DACH1: variants seen among roughly 807,000 people sequenced by gnomAD.
DACH1 encodes dachshund family transcription factor 1.
DACH1 carries 12 observed loss-of-function variants against 54.2 expected under a neutral mutation model. The ratio of observed to expected loss-of-function variants is 0.22; its 90% confidence interval spans 0.14 to 0.36. The LOEUF is 0.36. Among genes scored for constraint, DACH1 ranks in the 10% least tolerant of loss-of-function variants. The probability of loss-of-function intolerance (pLI) is 1.00; values close to 1 mark genes in which losing one functional copy is unlikely to be tolerated. For missense variants in DACH1, 805 were observed against 929.8 expected (o/e 0.87, Z 1.75); for synonymous variants, 386 against 366.2 (o/e 1.05, Z -0.62).
At chr13:71,853,693 T>C (rs779917730) in intron 1 of DACH1, among the ~76,000 whole-genome samples, 2 of 152,160 alleles carry the variant, frequency 1.3e-5, no homozygotes, top group Non-Finnish European at 2.9e-5. Flanking sequence ...AAGAAAGAAG[T>C]CACATTTGTG....
chr13:71,499,936 C>T (rs772778115), intron 6 of DACH1, among the ~76,000 whole-genome samples: 8 of 151,948 alleles, frequency 5.3e-5, no homozygotes, highest in Non-Finnish European at 1.2e-4. Flanking sequence ...ATAGTAGATG[C>T]ATAGTGCACC....
intron 6 of DACH1, among the ~76,000 whole-genome samples, chr13:71,533,461 T>G (rs543590412): frequency 7.2e-5 from 11 of 152,126 alleles, no homozygotes; most frequent in African/African-American, 2.4e-4. Flanking sequence ...TGGCTTAAAT[T>G]AGGCTTAAAT....
intron 1 of DACH1, among the ~76,000 whole-genome samples, chr13:71,845,189 T>C (rs1433289814): frequency 6.6e-6 from 1 of 152,112 alleles, no homozygotes; most frequent in Non-Finnish European, 1.5e-5. Context: ...ATCACATGTA[T>C]CACAACATCA....
intron 1 of DACH1, among the ~76,000 whole-genome samples, chr13:71,853,297 G>A (rs1873789215): frequency 6.6e-6 from 1 of 152,078 alleles, no homozygotes; most frequent in Admixed American, 6.6e-5. Context: ...AAATTTTGAA[G>A]AGATCTTTCT....
At chr13:71,749,872 C>A (rs1884844364) in intron 1 of DACH1, among the ~76,000 whole-genome samples, 1 of 152,074 alleles carries the variant, frequency 6.6e-6, no homozygotes, top group African/African-American at 2.4e-5. Context: ...GAGGTAAGAG[C>A]TAGATAAGCG....
chr13:71,488,893 A>T, intron 7 of DACH1, 104 bp downstream of exon 7: 3 of 1,054,284 alleles, frequency 2.8e-6, no homozygotes, highest in Non-Finnish European at 4.1e-6. Context: ...ACCATGTTTC[A>T]GTCAGTCTAA....
intron 3 of DACH1, among the ~76,000 whole-genome samples, chr13:71,597,805 G>A (rs1874206825): frequency 1.3e-5 from 2 of 152,130 alleles, no homozygotes; most frequent in Non-Finnish European, 2.9e-5. Context: ...TTATTAACAA[G>A]AGGATAATTG....
intron 3 of DACH1, among the ~76,000 whole-genome samples, chr13:71,607,826 C>CA (rs967531241): frequency 2.0e-5 from 3 of 152,014 alleles, no homozygotes; most frequent in Admixed American, 1.3e-4. Context: ...GACTGCCTGT[C>CA]AGCTGTATCA....
chr13:71,597,893 T>C (rs1874215846), intron 3 of DACH1, among the ~76,000 whole-genome samples: 1 of 152,034 alleles, frequency 6.6e-6, no homozygotes, highest in African/African-American at 2.4e-5. Context: ...GAGGTGGGCA[T>C]ATCGCTTGAG....
At chr13:71,510,529 C>T (rs1357857278) in intron 6 of DACH1, among the ~76,000 whole-genome samples, 6 of 152,030 alleles carry the variant, frequency 3.9e-5, no homozygotes, top group Admixed American at 3.3e-4. Context: ...GTTAGTGTGA[C>T]ATTCTAGTTC....
At chr13:71,464,704 CTT>C (rs146261995) in intron 10 of DACH1, 1 of 453,576 alleles carries the variant, frequency 2.2e-6, no homozygotes, top group African/African-American at 2.0e-5. Context: ...TTTAATTTCA[CTT>C]TAACTGTTTT....
chr13:71,472,430 T>C (rs1351132493), intron 10 of DACH1, among the ~76,000 whole-genome samples: 1 of 152,198 alleles, frequency 6.6e-6, no homozygotes, highest in East Asian at 1.9e-4. Context: ...TACTTAGCAC[T>C]CAAGCAGTAA....
intron 1 of DACH1, among the ~76,000 whole-genome samples, chr13:71,796,050 A>T (rs1280814879): frequency 6.6e-6 from 1 of 152,168 alleles, no homozygotes; most frequent in Non-Finnish European, 1.5e-5. Flanking sequence ...AAGCAACTCT[A>T]TTTCTGGAAT....
intron 3 of DACH1, among the ~76,000 whole-genome samples, chr13:71,574,831 A>G (rs1321863938): frequency 1.3e-5 from 2 of 152,068 alleles, no homozygotes; most frequent in African/African-American, 2.4e-5. Context: ...AATGACTTAC[A>G]TAAAAGAAAT....
chr13:71,691,559 C>A (rs927228425), intron 1 of DACH1, among the ~76,000 whole-genome samples: 1 of 141,224 alleles, frequency 7.1e-6, no homozygotes. Flanking sequence ...AAGCCCTGAG[C>A]CCAGAAAGTA....
chr13:71,444,498 C>T (rs933759417), intron 10 of DACH1, among the ~76,000 whole-genome samples: 1 of 151,960 alleles, frequency 6.6e-6, no homozygotes, highest in African/African-American at 2.4e-5. Flanking sequence ...ATTTCATTAA[C>T]CTAAGTCCTT....
At chr13:71,565,128 G>T (rs1298111214) in intron 4 of DACH1, among the ~76,000 whole-genome samples, 1 of 152,060 alleles carries the variant, frequency 6.6e-6, no homozygotes, top group African/African-American at 2.4e-5. Flanking sequence ...CAGCATGTCG[G>T]TCAGGCTGGT....
intron 1 of DACH1, among the ~76,000 whole-genome samples, chr13:71,700,858 C>T (rs929602680): frequency 2.0e-5 from 3 of 152,108 alleles, no homozygotes; most frequent in Non-Finnish European, 4.4e-5. Context: ...TCTATCTGAG[C>T]TTTTAATTAG....
chr13:71,456,764 T>G (rs1593721488), intron 10 of DACH1, among the ~76,000 whole-genome samples: 1 of 152,056 alleles, frequency 6.6e-6, no homozygotes. Context: ...TTCTATGTCT[T>G]GGATAATAAA....
Sources: allele counts gnomAD v4.1 joint callset (sites outside exome capture counted in the v4.1 genomes callset), GRCh38; gene constraint gnomAD v4.1.1; transcripts MANE v1.5; gene names NCBI Gene and HGNC (gene_info 2026-07-23, HGNC 2026-07-21).